PCMT1: variants seen among roughly 807,000 people sequenced by gnomAD.
PCMT1 encodes the protein protein-L-isoaspartate (D-aspartate) O-methyltransferase, also known as protein-L-isoaspartate(D-aspartate) O-methyltransferase.
In PCMT1, 9 loss-of-function variants were observed where a neutral mutation model predicts 29.2. That is an observed-to-expected ratio of 0.31 (90% confidence interval 0.19 to 0.54). The LOEUF is 0.54. PCMT1 is among the 20% of genes least tolerant of loss of function. PCMT1 has a pLI of 0.95. For synonymous variants in PCMT1, 98 were observed against 97.5 expected (o/e 1.00, Z -0.03); for missense variants, 184 against 282.2 (o/e 0.65, Z 2.49).
At chr6:149,767,897 G>A (rs1583016871) in intron 1 of PCMT1, among the ~76,000 whole-genome samples, 1 of 151,990 alleles carries the variant, frequency 6.6e-6, no homozygotes, top group South Asian at 2.1e-4. Flanking sequence ...AGGTTCAAGC[G>A]ATTCTCCTGC....
At chr6:149,766,916 T>G (rs886601202) in intron 1 of PCMT1, among the ~76,000 whole-genome samples, 2 of 152,106 alleles carry the variant, frequency 1.3e-5, no homozygotes, top group South Asian at 4.1e-4. Flanking sequence ...TTAGTGCTTT[T>G]GAGATTCATT....
intron 1 of PCMT1, among the ~76,000 whole-genome samples, chr6:149,768,916 C>G (rs976557945): frequency 6.6e-6 from 1 of 152,106 alleles, no homozygotes; most frequent in Non-Finnish European, 1.5e-5. Flanking sequence ...CGTTAGCCAC[C>G]GCGCCAGCCT....
chr6:149,772,270 A>G (rs1415670689), intron 2 of PCMT1: 1 of 345,960 alleles, frequency 2.9e-6, no homozygotes, highest in Non-Finnish European at 5.6e-6. Context: ...TGAGAAAGCA[A>G]CACCACAAGA....
chr6:149,784,552 C>T (rs1327310151), intron 3 of PCMT1, among the ~76,000 whole-genome samples: 1 of 151,766 alleles, frequency 6.6e-6, no homozygotes, highest in Non-Finnish European at 1.5e-5. Context: ...CTCACTGCGG[C>T]CTGCTGGGCT....
At chr6:149,763,287 C>T (rs866464260) in intron 1 of PCMT1, among the ~76,000 whole-genome samples, 1 of 108,504 alleles carries the variant, frequency 9.2e-6, no homozygotes, top group Non-Finnish European at 1.8e-5. Flanking sequence ...TCTATGATAT[C>T]TATGATATAT....
intron 2 of PCMT1, chr6:149,772,750 G>T: frequency 2.7e-6 from 1 of 369,530 alleles, no homozygotes; most frequent in Non-Finnish European, 5.2e-6. Flanking sequence ...GGGCGTGGTG[G>T]CTCACGCCTG....
intron 3 of PCMT1, among the ~76,000 whole-genome samples, chr6:149,786,530 C>T (rs1406043949): frequency 2.8e-5 from 3 of 108,790 alleles, no homozygotes; most frequent in Admixed American, 9.2e-5. Flanking sequence ...GGGCGGCTGC[C>T]GGGCGGAGGG....
At chr6:149,786,551 T>A (rs1375528775) in intron 3 of PCMT1, among the ~76,000 whole-genome samples, 1 of 72,554 alleles carries the variant, frequency 1.4e-5, no homozygotes. Flanking sequence ...GCTCCTCACT[T>A]CTCAGACGGG....
chr6:149,781,860 C>CTATACTCTATACTCATTCAA (rs1787831438), intron 3 of PCMT1, among the ~76,000 whole-genome samples: 1 of 152,178 alleles, frequency 6.6e-6, no homozygotes, highest in Non-Finnish European at 1.5e-5. Context: ...TCTTGCAAAA[C>CTATACTCTATACTCATTCAA]TAACACTCTA....
chr6:149,769,770 ATTTTT>A (rs34274281), intron 1 of PCMT1, among the ~76,000 whole-genome samples: 12 of 99,724 alleles, frequency 1.2e-4, no homozygotes, highest in Admixed American at 1.3e-4. Context: ...AGCTAATTAA[ATTTTT>A]TTTTTTTTTT....
chr6:149,767,683 G>C (rs1307452137), intron 1 of PCMT1, among the ~76,000 whole-genome samples: 1 of 151,816 alleles, frequency 6.6e-6, no homozygotes, highest in African/African-American at 2.4e-5. Context: ...CGAACTCCTG[G>C]ACTCAAGTGA....
intron 3 of PCMT1, 86 bp downstream of exon 3, chr6:149,773,255 T>C (rs1787411239): frequency 1.9e-6 from 2 of 1,067,530 alleles, no homozygotes; most frequent in African/African-American, 1.6e-5. Context: ...TTAAAGAAAG[T>C]TGTATCAATT....
At chr6:149,758,208 C>CTTTCTTTTTTTTTTTTTTTTTCT (rs1554251094) in intron 1 of PCMT1, among the ~76,000 whole-genome samples, 1 of 73,916 alleles carries the variant, frequency 1.4e-5, no homozygotes, top group African/African-American at 5.3e-5. Flanking sequence ...TTCTTTCTTT[C>CTTTCTTTTTTTTTTTTTTTTTCT]TTTTTTTTTT....
At chr6:149,773,018 A>G in intron 2 of PCMT1, 120 bp from the exon 3 acceptor site, 4 of 411,402 alleles carry the variant, frequency 9.7e-6, no homozygotes, top group South Asian at 8.9e-5. Flanking sequence ...CTGTCTCAGA[A>G]AAAAAAAAAA....
chr6:149,767,350 G>A (rs1161035959), intron 1 of PCMT1, among the ~76,000 whole-genome samples: 2 of 150,800 alleles, frequency 1.3e-5, no homozygotes, highest in Non-Finnish European at 2.9e-5. Flanking sequence ...ATGAGTCACC[G>A]CACCCAGCCG....
intron 1 of PCMT1, among the ~76,000 whole-genome samples, chr6:149,763,039 C>A (rs577098160): frequency 0.01 from 461 of 44,282 alleles, 102 homozygotes; most frequent in Non-Finnish European, 0.012. Flanking sequence ...TCTATGATAT[C>A]TATGATATGT....
chr6:149,774,082 C>T (rs949204382), intron 3 of PCMT1, among the ~76,000 whole-genome samples: 6 of 152,012 alleles, frequency 3.9e-5, no homozygotes, highest in Non-Finnish European at 7.4e-5. Context: ...CCTTGACTCC[C>T]GGGCTCATGC....
chr6:149,790,516 CTTTT>C (rs80356200), intron 4 of PCMT1, among the ~76,000 whole-genome samples: 4 of 137,242 alleles, frequency 2.9e-5, no homozygotes, highest in African/African-American at 2.7e-5. Flanking sequence ...GTTTTCTTTT[CTTTT>C]TTTTTTTTTT....
At chr6:149,760,268 T>C (rs558594481) in intron 1 of PCMT1, among the ~76,000 whole-genome samples, 81 of 152,348 alleles carry the variant, frequency 5.3e-4, no homozygotes, top group African/African-American at 1.9e-3. Flanking sequence ...TTCTGCAGGC[T>C]GGTCTTATTT....
Sources: allele counts gnomAD v4.1 joint callset (sites outside exome capture counted in the v4.1 genomes callset), GRCh38; gene constraint gnomAD v4.1.1; transcripts MANE v1.5; gene names NCBI Gene and HGNC (gene_info 2026-07-23, HGNC 2026-07-21).